SEMA7A: variants seen among roughly 807,000 people sequenced by gnomAD.
The protein encoded by SEMA7A is semaphorin 7A (JohnMiltonHagen blood group), also known as semaphorin-7A.
A neutral mutation model predicts 67.5 loss-of-function variants in SEMA7A; 21 were observed. The observed-to-expected ratio is 0.31, with a 90% CI of 0.22 to 0.45. The LOEUF is 0.45. SEMA7A is among the 20% of genes least tolerant of loss of function. SEMA7A has a pLI of 1.00. For missense variants in SEMA7A, 774 were observed against 908.6 expected (o/e 0.85, Z 1.90); for synonymous variants, 364 against 368.5 (o/e 0.99, Z 0.14).
chr15:74,429,092 C>T (rs2061065748), intron 1 of SEMA7A, among the ~76,000 whole-genome samples: 1 of 152,194 alleles, frequency 6.6e-6, no homozygotes, highest in Admixed American at 6.5e-5. Flanking sequence ...CCTCCCCCAA[C>T]CATGGCGAAG....
chr15:74,417,497 C>T, intron 5 of SEMA7A, 52 bp from the exon 6 acceptor site: 1 of 1,589,550 alleles, frequency 6.3e-7, no homozygotes, highest in Non-Finnish European at 8.6e-7. Context: ...TCCTGGAAGT[C>T]CCTCCTCCGG....
In SEMA7A at chr15:74,410,758, C is replaced by T. The variant is rs2060892280; in HGVS notation, c.1867G>A (p.Glu623Lys). 2.5e-6 allele frequency: 4 copies of T among 1,614,138 alleles called. No homozygotes were observed. Among genetic ancestry groups the T allele is most frequent in the Non-Finnish European group, 3.4e-6 (4 of 1,180,042 alleles). The change falls in exon 14 of 14, where the codon GAG (glutamate) becomes AAG (lysine). Residue 623 changes from glutamate (E) to lysine (K), a missense_variant. Transcript: ENST00000261918. The surrounding 1 kb of genome is among the most constrained non-coding windows in gnomAD (Gnocchi z 7.5). The part of the protein sequence containing the change: ...CEAQEGSYFR[E>K]AQHWQLLPED... ...GGCAGCAGCTGCCAGTGCTGAGCCT[C>T]GCGGAAGTAGGAGCCCTCCTGGGCC...
At position 74,429,610 on chromosome 15, in the gene SEMA7A, C is replaced by A. The variant is rs534894936; in HGVS notation, c.178+4131G>T. Among the ~76,000 whole-genome samples the A allele has an allele frequency of 1.5e-4, 23 of 152,360 alleles. No individual in the cohort carries two copies. In the South Asian group the frequency reaches 4.8e-3, roughly 32 times the overall value. ...TGTGACGGGGCTATGGCCTTGCCAG[C>A]ACTCGAGAGGCCTTCCCTGCCTGCC... On this transcript the variant is annotated intron_variant, in intron 1 of 13. Coordinates refer to ENST00000261918, the MANE Select transcript of SEMA7A (RefSeq NM_003612.5).
intron 1 of SEMA7A, among the ~76,000 whole-genome samples, chr15:74,429,159 CTT>C (rs1464645296): frequency 6.6e-6 from 1 of 152,236 alleles, no homozygotes; most frequent in Admixed American, 6.5e-5. Context: ...GAAGTGGAAA[CTT>C]TTCAGTCCAG....
intron 6 of SEMA7A, 103 bp downstream of exon 6, chr15:74,417,232 A>AG: frequency 1.1e-6 from 1 of 883,646 alleles, no homozygotes; most frequent in South Asian, 1.4e-5. Flanking sequence ...GCATGGCCCC[A>AG]GCGGCCCTCA....
intron 1 of SEMA7A, among the ~76,000 whole-genome samples, chr15:74,426,215 T>C (rs1252267018): frequency 6.6e-6 from 1 of 152,066 alleles, no homozygotes; most frequent in Non-Finnish European, 1.5e-5. Context: ...GCAGAGGTTA[T>C]AGTGAGCTGA....
Position 74,411,498 on chromosome 15 carries a change from A to ACCTC in SEMA7A, c.1577+54_1577+57dup. On this transcript the variant is annotated intron_variant, in intron 12 of 13. Transcript: ENST00000261918. The surrounding 1 kb of genome is among the most constrained non-coding windows in gnomAD (Gnocchi z 4.4). The stretch of plus-strand genomic sequence containing the variant: ...CCGCCACCTCCTCCAGCCCGACAAC[A>ACCTC]CCTCCCCCTCTCCCATGCCCACCTT... The ACCTC allele has an allele frequency of 6.5e-7, 1 of 1,541,110 alleles. No homozygotes were observed. Among genetic ancestry groups the ACCTC allele is most frequent in the Non-Finnish European group, 8.7e-7 (1 of 1,143,026 alleles).
rs2141273264 is a variant in SEMA7A at position 74,414,427 on chromosome 15, C to T, written c.1294+120G>A. On this transcript the variant is annotated intron_variant, in intron 10 of 13. Coordinates refer to ENST00000261918, the MANE Select transcript of SEMA7A (RefSeq NM_003612.5). This position sits in a 1 kb window ranked among gnomAD's most constrained non-coding sequence, Gnocchi z 4.1. ...CACACACATTAACCCCTGACAACTCCAGTCACTCAATTATTCCTTCCACAT... is the reference window on the plus strand; with the variant it reads ...CACACACATTAACCCCTGACAACTCTAGTCACTCAATTATTCCTTCCACAT... The T allele has an allele frequency of 9.4e-7, 1 of 1,064,282 alleles. No individual in the cohort carries two copies. Among genetic ancestry groups the T allele is most frequent in the Non-Finnish European group, 1.4e-6 (1 of 705,310 alleles). 65.9% of individuals were successfully genotyped at this position (1,064,282 alleles called of 1,614,324 possible). A position where few individuals can be genotyped will look rare whatever the true frequency, so the allele number is the denominator to read the frequency against.
At chr15:74,417,286 G>C (rs375280463) in intron 6 of SEMA7A, 49 bp downstream of exon 6, 1 of 1,434,864 alleles carries the variant, frequency 7.0e-7, no homozygotes, top group Non-Finnish European at 9.8e-7. Flanking sequence ...GCCACCTTAA[G>C]TGCTCACACC....
chr15:74,431,213 G>C (rs2061085766), intron 1 of SEMA7A, among the ~76,000 whole-genome samples: 1 of 152,154 alleles, frequency 6.6e-6, no homozygotes, highest in African/African-American at 2.4e-5. Flanking sequence ...ACAGCCCTTG[G>C]GGGACAATCC....
chr15:74,416,872 C>T (rs1480840772), intron 6 of SEMA7A, among the ~76,000 whole-genome samples, 158 bp from the exon 7 acceptor site: 1 of 152,178 alleles, frequency 6.6e-6, no homozygotes, highest in Non-Finnish European at 1.5e-5. Context: ...CCCCGAGGGG[C>T]CCTAGACCCT....
chr15:74,412,290 G>A (rs2060908728), intron 10 of SEMA7A, among the ~76,000 whole-genome samples: 1 of 152,146 alleles, frequency 6.6e-6, no homozygotes, highest in East Asian at 1.9e-4. Context: ...ACAGAAGCAG[G>A]AGCCCCACAC....
intron 1 of SEMA7A, among the ~76,000 whole-genome samples, chr15:74,424,630 T>G (rs546147801): frequency 3.3e-5 from 5 of 152,308 alleles, no homozygotes; most frequent in Admixed American, 1.3e-4. Context: ...TTGGGGAGAC[T>G]GTCTGGGGCA....
In SEMA7A at chr15:74,411,091, C is replaced by G; in HGVS notation, c.1640-106G>C. Reference sequence around the variant, plus strand: ...TCCCAGGACAAGGCTTCTGAATGAACGTGGGGAACCCAGCCCTCAGCGTCC... The same window carrying G: ...TCCCAGGACAAGGCTTCTGAATGAAGGTGGGGAACCCAGCCCTCAGCGTCC... On this transcript the variant is annotated intron_variant, in intron 13 of 13. Transcript: ENST00000261918. This position sits in a 1 kb window ranked among gnomAD's most constrained non-coding sequence, Gnocchi z 4.4. 6.7e-7 allele frequency: 1 copy of G among 1,490,986 alleles called. No individual in the cohort carries two copies. Among genetic ancestry groups the G allele is most frequent in the Non-Finnish European group, 9.0e-7 (1 of 1,114,760 alleles). 92.4% of individuals were successfully genotyped at this position (1,490,986 alleles called of 1,614,324 possible).
intron 10 of SEMA7A, among the ~76,000 whole-genome samples, chr15:74,413,955 A>T (rs1295342228): frequency 6.6e-6 from 1 of 152,104 alleles, no homozygotes; most frequent in Non-Finnish European, 1.5e-5. Flanking sequence ...GCTTTCCAGA[A>T]AGCAGGAGCA....
intron 7 of SEMA7A, 75 bp from the exon 8 acceptor site, chr15:74,416,060 C>T: frequency 6.9e-7 from 1 of 1,444,988 alleles, no homozygotes; most frequent in Non-Finnish European, 9.6e-7. Context: ...AAACCACTGC[C>T]AGCAATATCA....
Position 74,433,922 on chromosome 15 carries a change from G to T in SEMA7A, c.-4C>A. ...GTCCGGGCGGAGGAGGCGTCATCCC[G>T]TGGCCCCGGGAGCGACAGCGGCAAT... On this transcript the variant is annotated 5_prime_UTR_variant, in exon 1 of 14. Coordinates refer to ENST00000261918, the MANE Select transcript of SEMA7A (RefSeq NM_003612.5). The T allele has an allele frequency of 8.0e-7, 1 of 1,245,530 alleles. No homozygotes were observed. Among genetic ancestry groups the T allele is most frequent in the Non-Finnish European group, 1.0e-6 (1 of 997,608 alleles). 77.2% of individuals were successfully genotyped at this position (1,245,530 alleles called of 1,614,324 possible).
chr15:74,412,082 CG>C (rs2060906931), intron 10 of SEMA7A, 70 bp from the exon 11 acceptor site: 3 of 1,358,496 alleles, frequency 2.2e-6, no homozygotes, highest in Non-Finnish European at 2.1e-6. Context: ...TCCTCTAGGC[CG>C]GGGAGGGGTG....
chr15:74,417,028 G>A (rs975766516), intron 6 of SEMA7A, among the ~76,000 whole-genome samples: 1 of 152,140 alleles, frequency 6.6e-6, no homozygotes, highest in Non-Finnish European at 1.5e-5. Flanking sequence ...TGATGAGGAG[G>A]GAGTTGGGGG....
Sources: allele counts gnomAD v4.1 joint callset (sites outside exome capture counted in the v4.1 genomes callset), GRCh38; gene constraint gnomAD v4.1.1; non-coding constraint Gnocchi (gnomAD v3.1); transcripts MANE v1.5; gene names NCBI Gene and HGNC (gene_info 2026-07-23, HGNC 2026-07-21).